The following PCCA variants were observed in gnomAD, a reference collection of about 807,000 sequenced individuals.
PCCA encodes propionyl-CoA carboxylase alpha chain, mitochondrial.
In PCCA, 74 loss-of-function variants were observed where a neutral mutation model predicts 101.3. The observed-to-expected ratio is 0.73, with a 90% confidence interval of 0.61 to 0.89. The LOEUF (loss-of-function observed/expected upper bound fraction) is 0.89. Ranked by LOEUF, PCCA falls within the 40% of genes least tolerant of loss-of-function variation. The pLI, the probability that PCCA is intolerant of heterozygous loss-of-function variation, is 0.00. For synonymous variants in PCCA, 294 were observed against 313.6 expected, an observed-to-expected ratio of 0.94 and a Z score of 0.66; for missense variants, 891 against 907.0, an observed-to-expected ratio of 0.98 and a Z score of 0.23.
chr13:100,311,554 G>C (rs2066916212), intron 16 of PCCA, among the ~76,000 whole-genome samples: 2 of 152,126 alleles, frequency 1.3e-5, no homozygotes, highest in South Asian at 4.1e-4. Flanking sequence ...CAGATCACTT[G>C]AGGTCAGGAG....
At chr13:100,431,734 C>T (rs544331094) in intron 20 of PCCA, among the ~76,000 whole-genome samples, 1 of 151,978 alleles carries the variant, frequency 6.6e-6, no homozygotes, top group South Asian at 2.1e-4. Flanking sequence ...GGTGTGGTGG[C>T]GGGCGCCTGT....
chr13:100,343,639 A>G (rs1018028888), intron 18 of PCCA, among the ~76,000 whole-genome samples: 2 of 152,250 alleles, frequency 1.3e-5, no homozygotes, highest in African/African-American at 2.4e-5. Flanking sequence ...TTGACTGCAC[A>G]TGAGTTTTAT....
rs192111647 is a variant in PCCA, at chr13:100,281,213, A to G, written c.1065+7867A>G. ...GGTGAAAGTTCTAGACTTAATAAGG[A>G]AAGAAAAGAGTCATGTGCTGAGGTT... is the stretch of plus-strand genomic sequence containing the variant. On this transcript the variant is annotated intron_variant, in intron 12 of 23. Coordinates refer to ENST00000376285, the MANE Select transcript of PCCA (RefSeq NM_000282.4). Among the ~76,000 whole-genome samples, 531 of 152,322 alleles carry G rather than the reference A, an allele frequency of 3.5e-3. 5 individuals are homozygous for G. Among genetic ancestry groups the G allele is most frequent in the African/African-American group, 0.011 (450 of 41,568 alleles).
At chr13:100,278,572 C>T (rs982938870) in intron 12 of PCCA, among the ~76,000 whole-genome samples, 17 of 152,046 alleles carry the variant, frequency 1.1e-4, no homozygotes, top group Admixed American at 5.9e-4. Context: ...CTCCGCCTCC[C>T]GGGTTCAGGC....
chr13:100,180,435 C>T (rs1344762434), intron 6 of PCCA, among the ~76,000 whole-genome samples: 1 of 152,156 alleles, frequency 6.6e-6, no homozygotes, highest in South Asian at 2.1e-4. Flanking sequence ...TAATCTAATA[C>T]CAAGATCCAA....
intron 17 of PCCA, among the ~76,000 whole-genome samples, chr13:100,338,422 A>G (rs1056068972): frequency 2.0e-5 from 3 of 152,128 alleles, no homozygotes; most frequent in Non-Finnish European, 4.4e-5. Context: ...TATACTCTTG[A>G]GAAAATGAGA....
At chr13:100,463,336 GTTTTTTTTTT>G (rs574359198) in intron 21 of PCCA, among the ~76,000 whole-genome samples, 4 of 114,332 alleles carry the variant, frequency 3.5e-5, no homozygotes, top group Admixed American at 9.4e-5. Context: ...TATTGGTGTG[GTTTTTTTTTT>G]TTTTTTTTTT....
chr13:100,475,194 C>T (rs980151324), intron 21 of PCCA, among the ~76,000 whole-genome samples: 2 of 152,110 alleles, frequency 1.3e-5, no homozygotes, highest in East Asian at 1.9e-4. Context: ...ATTATAGGTG[C>T]AAGCCACAGC....
intron 14 of PCCA, 102 bp downstream of exon 14, chr13:100,303,100 A>G (rs2066190437): frequency 1.2e-6 from 1 of 800,092 alleles, no homozygotes; most frequent in South Asian, 1.4e-5. Flanking sequence ...AAATTGAAGG[A>G]CAAGTGAAAT....
chr13:100,496,001 T>C (rs1173062387), intron 21 of PCCA, among the ~76,000 whole-genome samples: 1 of 152,138 alleles, frequency 6.6e-6, no homozygotes, highest in Non-Finnish European at 1.5e-5. Flanking sequence ...ACCTCCACCA[T>C]CTATATATGT....
intron 21 of PCCA, among the ~76,000 whole-genome samples, chr13:100,489,452 G>T (rs1000481553): frequency 2.6e-5 from 4 of 152,232 alleles, no homozygotes; most frequent in Non-Finnish European, 4.4e-5. Flanking sequence ...CATTGTAGAA[G>T]AAAGTTTGCC....
intron 1 of PCCA, among the ~76,000 whole-genome samples, chr13:100,093,743 C>T (rs1187571972): frequency 6.6e-6 from 1 of 151,694 alleles, no homozygotes; most frequent in South Asian, 2.1e-4. Flanking sequence ...ATGATACCAC[C>T]CCCACCCCCG....
Position 100,207,888 on chromosome 13 carries a change from C to T in PCCA, c.469-1444C>T, listed in dbSNP as rs370879233. Among the ~76,000 whole-genome samples the T allele has an allele frequency of 7.3e-5, 11 of 151,706 alleles. No homozygotes were observed. In the South Asian group the frequency reaches 8.3e-4, roughly 11 times the overall value. ...CAAAAATTAGCTGGGCGTGGTGGCG[C>T]GCTCCTGTAGTCCCAGCTACTCGGG... On this transcript the variant is annotated intron_variant, in intron 6 of 23. Coordinates refer to ENST00000376285, the MANE Select transcript of PCCA (RefSeq NM_000282.4).
intron 11 of PCCA, among the ~76,000 whole-genome samples, chr13:100,272,564 G>GACACAC (rs140863707): frequency 2.0e-5 from 3 of 150,456 alleles, no homozygotes; most frequent in Admixed American, 6.6e-5. Flanking sequence ...ACCATGAAAT[G>GACACAC]ACACACACAC....
intron 7 of PCCA, among the ~76,000 whole-genome samples, chr13:100,219,501 C>T (rs905258123): frequency 6.6e-6 from 1 of 152,078 alleles, no homozygotes; most frequent in African/African-American, 2.4e-5. Flanking sequence ...TGTTTCTTGG[C>T]TAAAGGTCCA....
intron 19 of PCCA, among the ~76,000 whole-genome samples, chr13:100,405,475 C>T (rs1034301140): frequency 6.6e-6 from 1 of 152,132 alleles, no homozygotes; most frequent in Non-Finnish European, 1.5e-5. Flanking sequence ...CTCCAGTCCT[C>T]ATTTTTGTTA....
At position 100,421,462 on chromosome 13, in the gene PCCA, A is replaced by T. The variant is rs181060858; in HGVS notation, c.1747-4171A>T. Among the ~76,000 whole-genome samples the T allele has an allele frequency of 1.5e-3, 226 of 152,234 alleles. 1 individual carries two copies. Among genetic ancestry groups the T allele is most frequent in the African/African-American group, 5.2e-3 (215 of 41,538 alleles). On this transcript the variant is annotated intron_variant, in intron 19 of 23. Coordinates refer to ENST00000376285, the MANE Select transcript of PCCA (RefSeq NM_000282.4). ...TGGTTTCAAATCAATATGTATAGAG[A>T]TGACTCATTTTTTTAAAGAAGGGGC...
chr13:100,134,662 C>T (rs190389017), intron 4 of PCCA, among the ~76,000 whole-genome samples: 2 of 152,078 alleles, frequency 1.3e-5, no homozygotes, highest in Non-Finnish European at 2.9e-5. Context: ...GCTCAAACCT[C>T]CCACCTCAGC....
At chr13:100,405,202 C>G (rs1417423016) in intron 19 of PCCA, among the ~76,000 whole-genome samples, 1 of 152,132 alleles carries the variant, frequency 6.6e-6, no homozygotes, top group Non-Finnish European at 1.5e-5. Flanking sequence ...CTTACTTTAC[C>G]CAAAGGAAAC....
Sources: allele counts gnomAD v4.1 joint callset (sites outside exome capture counted in the v4.1 genomes callset), GRCh38; gene constraint gnomAD v4.1.1; transcripts MANE v1.5; gene names NCBI Gene and HGNC (gene_info 2026-07-23, HGNC 2026-07-21).